Variants in CTNNA3 observed in about 807,000 individuals in gnomAD.
The protein encoded by CTNNA3 is catenin alpha-3.
Under a neutral mutation model 95.7 loss-of-function variants are expected in CTNNA3, and 76 were observed. That is an observed-to-expected ratio of 0.79 (90% confidence interval 0.66 to 0.96). CTNNA3 has a LOEUF of 0.96. CTNNA3 is among the 40% of genes least tolerant of loss of function. CTNNA3 has a pLI of 0.00. For missense variants in CTNNA3, 1,191 were observed against 1,089.8 expected, an observed-to-expected ratio of 1.09 and a Z score of -1.31; for synonymous variants, 431 against 374.4, an observed-to-expected ratio of 1.15 and a Z score of -1.74.
At chr10:67,348,577 G>A (rs771182127) in intron 5 of CTNNA3, among the ~76,000 whole-genome samples, 23 of 152,074 alleles carry the variant, frequency 1.5e-4, no homozygotes, top group African/African-American at 2.7e-4. Flanking sequence ...GGGAGCCTGC[G>A]TTTCACATGA....
intron 10 of CTNNA3, among the ~76,000 whole-genome samples, chr10:66,581,468 C>T (rs1843186517): frequency 6.6e-6 from 1 of 151,106 alleles, no homozygotes; most frequent in African/African-American, 2.4e-5. Context: ...AGGTGGTATA[C>T]ATTGTGGTTT....
At chr10:65,944,335 C>A (rs1165274080) in intron 17 of CTNNA3, among the ~76,000 whole-genome samples, 1 of 152,230 alleles carries the variant, frequency 6.6e-6, no homozygotes, top group Non-Finnish European at 1.5e-5. Context: ...ATTATGCCAT[C>A]CATGGCATTG....
chr10:66,270,118 T>C (rs2091244883), intron 13 of CTNNA3, among the ~76,000 whole-genome samples: 1 of 152,074 alleles, frequency 6.6e-6, no homozygotes, highest in Non-Finnish European at 1.5e-5. Flanking sequence ...ACATCGCATG[T>C]TCTTGTCCTT....
At chr10:66,184,019 T>C (rs1298109749) in intron 13 of CTNNA3, among the ~76,000 whole-genome samples, 1 of 152,210 alleles carries the variant, frequency 6.6e-6, no homozygotes, top group East Asian at 1.9e-4. Context: ...ATGAGGTTTT[T>C]ATAAAAGAAA....
chr10:66,412,668 C>T (rs1264295715), intron 11 of CTNNA3, among the ~76,000 whole-genome samples: 1 of 151,900 alleles, frequency 6.6e-6, no homozygotes, highest in Non-Finnish European at 1.5e-5. Flanking sequence ...ATCGTATTAG[C>T]CAGGATGGTC....
chr10:66,487,198 T>G (rs935270760), intron 11 of CTNNA3, among the ~76,000 whole-genome samples: 14 of 122,512 alleles, frequency 1.1e-4, no homozygotes, highest in Non-Finnish European at 2.2e-4. Context: ...TTTTTTTTTT[T>G]TTTTTTTTTT....
intron 7 of CTNNA3, among the ~76,000 whole-genome samples, chr10:67,136,130 T>C (rs549436144): frequency 7.6e-4 from 115 of 152,244 alleles, no homozygotes; most frequent in African/African-American, 2.6e-3. Context: ...TGAGAGGGTA[T>C]TTTTTGTTTG....
rs145710263 is a variant in CTNNA3, at chr10:67,027,841, A to C, written c.1047+152476T>G. Among the ~76,000 whole-genome samples the C allele has an allele frequency of 5.7e-3, 871 of 152,278 alleles. 3 individuals are homozygous for C. The highest frequency in any genetic ancestry group is 0.02 in the African/African-American group (832 of 41,546). Reference sequence around the variant, plus strand: ...CGTTTTTTCCTTTTAAAACTTTAAAATTTACACTGATAGATATTTGCTGTT... The same window carrying C: ...CGTTTTTTCCTTTTAAAACTTTAAACTTTACACTGATAGATATTTGCTGTT... On this transcript the variant is annotated intron_variant, in intron 7 of 17. Transcript: ENST00000433211.
chr10:66,162,392 G>C (rs2084899597), intron 13 of CTNNA3, among the ~76,000 whole-genome samples: 1 of 152,114 alleles, frequency 6.6e-6, no homozygotes, highest in Non-Finnish European at 1.5e-5. Context: ...TTGTCCCAAG[G>C]AATGTTCCTT....
intron 2 of CTNNA3, among the ~76,000 whole-genome samples, chr10:67,641,407 T>C (rs1048265023): frequency 3.4e-4 from 51 of 150,690 alleles, no homozygotes; most frequent in Non-Finnish European, 6.2e-4. Flanking sequence ...ACACTATTGG[T>C]GGGACTGTAA....
At position 66,103,233 on chromosome 10, in the gene CTNNA3, T is replaced by C; in HGVS notation, c.1901A>G (p.Glu634Gly). ...TTCCTCTTCAAGGTCAGAAACATCC[T>C]CCAGTTCCTCTGGGGTCTATAAAAA... ...VMMIRTPEELEDVSDLEEEHE... is the reference protein window; with the variant it reads ...VMMIRTPEELGDVSDLEEEHE... The change falls in exon 14 of 18, where the codon GAG (glutamate) becomes GGG (glycine). Residue 634 changes from glutamate to glycine, a missense_variant. Physicochemically the swap from Glu to Gly is moderately conservative, Grantham distance 98. Transcript: ENST00000433211. 2 of 1,613,816 alleles carry C rather than the reference T, an allele frequency of 1.2e-6. No homozygotes were observed.
chr10:66,577,125 C>A (rs1250936131), intron 10 of CTNNA3, among the ~76,000 whole-genome samples: 1 of 150,752 alleles, frequency 6.6e-6, no homozygotes. Context: ...ACATGTATGT[C>A]TTTTTTTGAG....
At chr10:67,457,177 T>C (rs879297457) in intron 5 of CTNNA3, among the ~76,000 whole-genome samples, 3 of 152,306 alleles carry the variant, frequency 2.0e-5, no homozygotes, top group South Asian at 2.1e-4. Flanking sequence ...ACTGTGGACA[T>C]TTCCAAGGTC....
At chr10:66,461,850 T>C (rs2093532034) in intron 11 of CTNNA3, among the ~76,000 whole-genome samples, 1 of 150,348 alleles carries the variant, frequency 6.7e-6, no homozygotes, top group African/African-American at 2.4e-5. Context: ...TCTCCTTCTG[T>C]CACCCAGGCT....
chr10:67,061,209 G>A (rs1252736209), intron 7 of CTNNA3, among the ~76,000 whole-genome samples: 1 of 152,104 alleles, frequency 6.6e-6, no homozygotes, highest in East Asian at 1.9e-4. Context: ...TAACTACCAA[G>A]ACTCAGAGAA....
chr10:66,714,827 C>T (rs1848402910), intron 9 of CTNNA3, among the ~76,000 whole-genome samples: 1 of 152,088 alleles, frequency 6.6e-6, no homozygotes, highest in Non-Finnish European at 1.5e-5. Flanking sequence ...AAGGCAAAAC[C>T]AATCATGTCA....
chr10:67,570,563 T>C (rs1362860059), intron 3 of CTNNA3, among the ~76,000 whole-genome samples: 2 of 152,158 alleles, frequency 1.3e-5, no homozygotes, highest in African/African-American at 2.4e-5. Context: ...TAGTGACACA[T>C]ACTGTGGACA....
At chr10:67,708,530 A>T (rs949354306) in intron 1 of CTNNA3, among the ~76,000 whole-genome samples, 1 of 152,204 alleles carries the variant, frequency 6.6e-6, no homozygotes, top group African/African-American at 2.4e-5. Flanking sequence ...AAATTATTTG[A>T]ACAGGGCTTT....
At chr10:67,020,709 C>G (rs537520915) in intron 7 of CTNNA3, among the ~76,000 whole-genome samples, 1 of 152,218 alleles carries the variant, frequency 6.6e-6, no homozygotes, top group Admixed American at 6.5e-5. Flanking sequence ...AGAATAAGCA[C>G]TAAAACCTGG....
Sources: allele counts gnomAD v4.1 joint callset (sites outside exome capture counted in the v4.1 genomes callset), GRCh38; gene constraint gnomAD v4.1.1; transcripts MANE v1.5; gene names NCBI Gene and HGNC (gene_info 2026-07-23, HGNC 2026-07-21).